Variants in ATG7 observed in about 807,000 individuals in gnomAD.
The protein encoded by ATG7 is autophagy related 7, also known as ubiquitin-like modifier-activating enzyme ATG7.
A neutral mutation model predicts 82.4 loss-of-function variants in ATG7; 70 were observed. That is an observed-to-expected ratio of 0.85 (90% CI 0.70 to 1.04). ATG7 has a LOEUF of 1.04. ATG7 is among the 50% of genes least tolerant of loss of function. The pLI, the probability that ATG7 is intolerant of heterozygous loss-of-function variation, is 0.00. For synonymous variants in ATG7, 287 were observed against 313.0 expected (o/e 0.92, Z 0.88); for missense variants, 792 against 864.3 (o/e 0.92, Z 1.05).
At chr3:11,575,869 G>T in the ATG7 span, among the ~76,000 whole-genome samples, 1 of 152,212 alleles carries the variant, frequency 6.6e-6, no homozygotes, top group Non-Finnish European at 1.5e-5. Context: ...GCTTGGCAAT[G>T]TGTGCAGGCT....
intron 3 of ATG7, 34 bp from the exon 4 acceptor site, chr3:11,298,652 T>C: frequency 6.3e-7 from 1 of 1,587,554 alleles, no homozygotes; most frequent in South Asian, 1.1e-5. Context: ...CATGGATATG[T>C]TATTTTGCTG....
intron 11 of ATG7, among the ~76,000 whole-genome samples, chr3:11,333,748 CTTTTT>C (rs770412107): frequency 7.2e-6 from 1 of 138,234 alleles, no homozygotes. Context: ...GGATATATTT[CTTTTT>C]TTTTTTTTTT....
At chr3:11,500,831 A>T (rs1411887611) in intron 20 of ATG7, among the ~76,000 whole-genome samples, 1 of 152,218 alleles carries the variant, frequency 6.6e-6, no homozygotes, top group Non-Finnish European at 1.5e-5. Flanking sequence ...GGGTTTCACC[A>T]TGTTGGCCAA....
intron 20 of ATG7, among the ~76,000 whole-genome samples, chr3:11,522,278 T>C (rs1201228109): frequency 6.6e-6 from 1 of 152,126 alleles, no homozygotes; most frequent in East Asian, 1.9e-4. Context: ...GGCTGGCAGA[T>C]CATGTTGATG....
intron 19 of ATG7, among the ~76,000 whole-genome samples, chr3:11,398,706 G>A (rs1287576974): frequency 6.6e-6 from 1 of 152,074 alleles, no homozygotes; most frequent in African/African-American, 2.4e-5. Flanking sequence ...TTAAAAAATT[G>A]CCAGGTGTTA....
At chr3:11,393,400 A>AAGGG (rs1228035629) in intron 19 of ATG7, among the ~76,000 whole-genome samples, 83 of 150,924 alleles carry the variant, frequency 5.5e-4, no homozygotes, top group African/African-American at 1.9e-3. Context: ...CCATAAGAGG[A>AAGGG]AGGGAGGGAG....
At chr3:11,506,510 G>C (rs2091719762) in intron 20 of ATG7, among the ~76,000 whole-genome samples, 1 of 131,080 alleles carries the variant, frequency 7.6e-6, no homozygotes, top group East Asian at 2.4e-4. Context: ...TTGAGGTCAG[G>C]AGTTTGAGAC....
chr3:11,388,199 A>G (rs540022137), intron 19 of ATG7, among the ~76,000 whole-genome samples: 1 of 152,216 alleles, frequency 6.6e-6, no homozygotes, highest in East Asian at 1.9e-4. Flanking sequence ...CCTCAACTGT[A>G]GTAAAGGGAG....
At chr3:11,483,564 G>A (rs1363312437) in intron 20 of ATG7, among the ~76,000 whole-genome samples, 2 of 152,212 alleles carry the variant, frequency 1.3e-5, no homozygotes, top group African/African-American at 2.4e-5. Context: ...CAAGGAATGT[G>A]ATGAGCAGGT....
intron 3 of ATG7, among the ~76,000 whole-genome samples, chr3:11,282,904 A>G (rs1456585306): frequency 6.6e-6 from 1 of 152,178 alleles, no homozygotes; most frequent in East Asian, 1.9e-4. Flanking sequence ...CTAAGAACAT[A>G]TGCTGTTTGT....
At position 11,544,649 on chromosome 3, in the gene ATG7, G is replaced by A. The variant is rs370328305; in HGVS notation, c.2080-10162G>A. Among the ~76,000 whole-genome samples the A allele has an allele frequency of 1.6e-4, 25 of 152,368 alleles. No individual in the cohort carries two copies. In the South Asian group the frequency reaches 5.2e-3, roughly 32 times the overall value. ...CCCACCCCTGTCCTTCTGGGCCCTG[G>A]AGTCCAAGGGCCTGACGTGCTGGAG... On this transcript the variant is annotated intron_variant, in intron 20 of 20. Coordinates refer to ENST00000693202, the MANE Select transcript of ATG7 (RefSeq NM_001349232.2).
chr3:11,272,461 T>G (rs1404947845), intron 1 of ATG7, 31 bp downstream of exon 1: 2 of 152,488 alleles, frequency 1.3e-5, no homozygotes, highest in African/African-American at 4.8e-5. Flanking sequence ...GAGGGTGTAG[T>G]GGGGTCTTGC....
At chr3:11,568,678 A>C in the ATG7 span, 3 of 1,554,230 alleles carry the variant, frequency 1.9e-6, no homozygotes, top group South Asian at 2.4e-5. The surrounding 1 kb of genome is among the most constrained non-coding windows in gnomAD (Gnocchi z 5.9). Flanking sequence ...CGCCCGGATG[A>C]ATCACCTCCC....
chr3:11,567,470 T>C, the ATG7 span, among the ~76,000 whole-genome samples: 2 of 152,182 alleles, frequency 1.3e-5, no homozygotes, highest in African/African-American at 4.8e-5. Flanking sequence ...AAGACAATCA[T>C]GGAAGAGAAT....
At chr3:11,304,945 A>G (rs964316907) in intron 5 of ATG7, among the ~76,000 whole-genome samples, 6 of 152,270 alleles carry the variant, frequency 3.9e-5, no homozygotes, top group African/African-American at 2.4e-5. Context: ...TGCCATTACT[A>G]TTAATTCCAG....
chr3:11,304,411 GA>G (rs1316059900), intron 5 of ATG7: 1 of 152,064 alleles, frequency 6.6e-6, no homozygotes, highest in Non-Finnish European at 1.5e-5. Flanking sequence ...GTTACAAACA[GA>G]AACTCTGCGA....
At chr3:11,455,040 G>C (rs377087790) in intron 20 of ATG7, among the ~76,000 whole-genome samples, 1 of 152,102 alleles carries the variant, frequency 6.6e-6, no homozygotes, top group Admixed American at 6.6e-5. Flanking sequence ...TATTTCTCTC[G>C]AGTACAGTTA....
chr3:11,272,757 A>G (rs1387267738), intron 1 of ATG7: 2 of 152,222 alleles, frequency 1.3e-5, no homozygotes, highest in South Asian at 2.1e-4. Context: ...GAGATGGGAC[A>G]TTTGGATTCC....
intron 20 of ATG7, among the ~76,000 whole-genome samples, chr3:11,528,112 G>A (rs942372957): frequency 6.6e-6 from 1 of 152,134 alleles, no homozygotes; most frequent in African/African-American, 2.4e-5. Flanking sequence ...AGAAGTAAAC[G>A]AACAACTTAA....
Sources: allele counts gnomAD v4.1 joint callset (sites outside exome capture counted in the v4.1 genomes callset), GRCh38; gene constraint gnomAD v4.1.1; non-coding constraint Gnocchi (gnomAD v3.1); transcripts MANE v1.5; gene names NCBI Gene and HGNC (gene_info 2026-07-23, HGNC 2026-07-21).